Variants in SLC1A1 observed in about 807,000 individuals in gnomAD.
SLC1A1 encodes the protein solute carrier family 1 member 1.
SLC1A1 carries 43 observed loss-of-function variants against 53.3 expected under a neutral mutation model. That is an observed-to-expected ratio of 0.81 (90% confidence interval 0.63 to 1.04). The LOEUF is 1.04. Ranked by LOEUF, SLC1A1 falls within the 50% of genes least tolerant of loss-of-function variation. The probability of loss-of-function intolerance (pLI) is 0.00; values close to 1 mark genes in which losing one functional copy is unlikely to be tolerated. For missense variants in SLC1A1, 748 were observed against 664.9 expected (o/e 1.12, Z -1.37); for synonymous variants, 307 against 243.2 (o/e 1.26, Z -2.44).
chr9:4,585,642 A>T lies in SLC1A1; in HGVS notation c.*84A>T. 1 of 1,495,322 alleles carries T rather than the reference A, an allele frequency of 6.7e-7. No homozygotes were observed. Among genetic ancestry groups the T allele is most frequent in the Non-Finnish European group, 9.3e-7 (1 of 1,074,646 alleles). The allele number at this position is 1,495,322 out of a possible 1,614,324, so 92.6% of individuals were successfully genotyped here. A position where few individuals can be genotyped will look rare whatever the true frequency, so the allele number is the denominator to read the frequency against. On this transcript the variant is annotated 3_prime_UTR_variant, in exon 12 of 12. Transcript: ENST00000262352. ...AACACTGCTTAAGGAAAAGAGAAACACTAATGGCCAAGTGTACATTTGATT... is the reference window on the plus strand; with the variant it reads ...AACACTGCTTAAGGAAAAGAGAAACTCTAATGGCCAAGTGTACATTTGATT...
chr9:4,497,665 A>C (rs1035686321), intron 1 of SLC1A1, among the ~76,000 whole-genome samples: 3 of 152,196 alleles, frequency 2.0e-5, no homozygotes. Flanking sequence ...ACACTTGATG[A>C]ATCTATATAA....
At chr9:4,490,800 G>A (rs768623062) in intron 1 of SLC1A1, 30 bp downstream of exon 1, 1 of 1,554,620 alleles carries the variant, frequency 6.4e-7, no homozygotes, top group East Asian at 2.3e-5. Flanking sequence ...GGCGATGCGC[G>A]CACCCTCACG....
chr9:4,559,578 A>T (rs1214272105), intron 2 of SLC1A1, among the ~76,000 whole-genome samples: 3 of 152,180 alleles, frequency 2.0e-5, no homozygotes, highest in African/African-American at 7.2e-5. Context: ...TTAGTGTGGG[A>T]AATGAACATA....
chr9:4,567,339 G>A (rs1032040608), intron 5 of SLC1A1, among the ~76,000 whole-genome samples: 1 of 152,234 alleles, frequency 6.6e-6, no homozygotes, highest in African/African-American at 2.4e-5. Context: ...AATCCTTACA[G>A]AGTCTGTCTC....
At chr9:4,519,699 T>C (rs1815997993) in intron 1 of SLC1A1, among the ~76,000 whole-genome samples, 1 of 152,204 alleles carries the variant, frequency 6.6e-6, no homozygotes, top group Admixed American at 6.6e-5. Flanking sequence ...CTTTAACTGA[T>C]GAGGATACAG....
intron 6 of SLC1A1, among the ~76,000 whole-genome samples, chr9:4,568,427 A>G (rs528876012): frequency 1.1e-4 from 16 of 152,036 alleles, no homozygotes; most frequent in African/African-American, 3.9e-4. Context: ...CAAAAAAAAA[A>G]AAAAAGGACC....
At chr9:4,578,193 G>C (rs1820740692) in intron 10 of SLC1A1, among the ~76,000 whole-genome samples, 1 of 152,176 alleles carries the variant, frequency 6.6e-6, no homozygotes, top group African/African-American at 2.4e-5. Context: ...GCTTAATAAT[G>C]GTCTTCAAAT....
chr9:4,558,553 AC>A (rs1818641944), intron 2 of SLC1A1, among the ~76,000 whole-genome samples: 1 of 152,220 alleles, frequency 6.6e-6, no homozygotes, highest in Non-Finnish European at 1.5e-5. Context: ...AGATATTTTC[AC>A]CAAGATCTCA....
intron 1 of SLC1A1, among the ~76,000 whole-genome samples, chr9:4,526,695 C>G (rs10974593): frequency 0.045 from 6,898 of 152,176 alleles, 207 homozygotes; most frequent in Non-Finnish European, 0.068. Context: ...ATTCTGTATA[C>G]TGAATAGAAT....
intron 1 of SLC1A1, among the ~76,000 whole-genome samples, chr9:4,542,481 C>T (rs1817103613): frequency 6.6e-6 from 1 of 152,110 alleles, no homozygotes; most frequent in Admixed American, 6.6e-5. Context: ...GTAATATAAG[C>T]CCTGAGATTG....
In SLC1A1 at chr9:4,555,990, A is replaced by AT. The variant is rs71326117; in HGVS notation, c.233-5444dup. Among the ~76,000 whole-genome samples the AT allele has an allele frequency of 6.8e-3, 972 of 141,982 alleles. 6 individuals carry two copies. The highest frequency in any genetic ancestry group is 0.023 in the African/African-American group (874 of 38,800). 93.1% of individuals were successfully genotyped at this position (141,982 alleles called of 152,430 possible). On this transcript the variant is annotated intron_variant, in intron 2 of 11. Coordinates refer to ENST00000262352, the MANE Select transcript of SLC1A1 (RefSeq NM_004170.6). ...AATAGACATACAAAATACTAGCCCT[A>AT]TTTTTTTTTTTTTTTGAGATGGAGT... is the stretch of plus-strand genomic sequence containing the variant.
chr9:4,567,862 C>T (rs569477306), intron 6 of SLC1A1, 95 bp downstream of exon 6: 9 of 861,088 alleles, frequency 1.0e-5, no homozygotes, highest in Admixed American at 3.9e-5. Context: ...TTCACAGAAT[C>T]GCATTTGCAA....
intron 2 of SLC1A1, among the ~76,000 whole-genome samples, chr9:4,550,541 A>C (rs1586761246): frequency 6.6e-6 from 1 of 152,080 alleles, no homozygotes; most frequent in South Asian, 2.1e-4. Flanking sequence ...CGGGTGGCCC[A>C]CACCACCATG....
chr9:4,534,811 A>C (rs571470349), intron 1 of SLC1A1, among the ~76,000 whole-genome samples: 1 of 152,280 alleles, frequency 6.6e-6, no homozygotes, highest in South Asian at 2.1e-4. Context: ...ATCCTCAGTA[A>C]AATACTGGCA....
At chr9:4,498,144 T>G (rs960028462) in intron 1 of SLC1A1, among the ~76,000 whole-genome samples, 1 of 152,212 alleles carries the variant, frequency 6.6e-6, no homozygotes, top group African/African-American at 2.4e-5. Flanking sequence ...CTCAGTTCAT[T>G]GCTGGGAGCC....
rs1006528607 is a variant in SLC1A1, at chr9:4,583,739, A to C, written c.1328+567A>C. 2.0e-5 allele frequency among the ~76,000 whole-genome samples: 3 copies of C among 152,180 alleles called. No individual in the cohort carries two copies. The highest frequency in any genetic ancestry group is 7.2e-5 in the African/African-American group (3 of 41,424). On this transcript the variant is annotated intron_variant, in intron 11 of 11. Coordinates refer to ENST00000262352, the MANE Select transcript of SLC1A1 (RefSeq NM_004170.6). This position sits in a 1 kb window ranked among gnomAD's most constrained non-coding sequence, Gnocchi z 4.6. ...GTTGTTTTAAGGACTGAGTGAGCTC[A>C]TGTGAGTGGAGCATCTAGAACAGCG...
chr9:4,572,476 C>A, intron 7 of SLC1A1, 88 bp downstream of exon 7: 1 of 1,190,512 alleles, frequency 8.4e-7, no homozygotes, highest in Non-Finnish European at 1.3e-6. Context: ...TGTTTGTCAA[C>A]TGATGAAGCT....
intron 1 of SLC1A1, among the ~76,000 whole-genome samples, chr9:4,538,974 A>T (rs956248018): frequency 1.3e-5 from 2 of 152,264 alleles, no homozygotes; most frequent in Non-Finnish European, 2.9e-5. Context: ...TGCTTAATGT[A>T]GTGCCTAGCA....
At chr9:4,514,556 T>C (rs1441141130) in intron 1 of SLC1A1, among the ~76,000 whole-genome samples, 1 of 151,950 alleles carries the variant, frequency 6.6e-6, no homozygotes, top group African/African-American at 2.4e-5. Flanking sequence ...ACTGAAATGG[T>C]AATCAGATAA....
Sources: gnomAD v4.1 joint callset for allele counts (sites outside exome capture counted in the v4.1 genomes callset) on GRCh38, gnomAD v4.1.1 for gene constraint, Gnocchi (gnomAD v3.1) non-coding constraint, MANE v1.5 for transcripts, NCBI Gene and HGNC (gene_info 2026-07-23, HGNC 2026-07-21) for gene names.